BRD10: variants seen among roughly 807,000 people sequenced by gnomAD.
BRD10 encodes the protein uncharacterized bromodomain-containing protein 10.
chr9:6,007,119 C>G, the BRD10 span: 1 of 1,472,724 alleles, frequency 6.8e-7, no homozygotes, highest in South Asian at 1.2e-5. Context: ...GGCCCCTGGC[C>G]CAGCCCATCC....
At chr9:5,928,962 C>T in the BRD10 span, 1 of 693,328 alleles carries the variant, frequency 1.4e-6, no homozygotes. Context: ...TGGAAAACTA[C>T]TAAATGATTC....
the BRD10 span, among the ~76,000 whole-genome samples, chr9:5,925,573 G>A: frequency 6.6e-6 from 1 of 151,956 alleles, no homozygotes; most frequent in Non-Finnish European, 1.5e-5. Flanking sequence ...AAAAGTTTAA[G>A]CCAGAAATTC....
the BRD10 span, among the ~76,000 whole-genome samples, chr9:6,004,293 A>C: frequency 6.6e-6 from 1 of 152,202 alleles, no homozygotes; most frequent in African/African-American, 2.4e-5. Flanking sequence ...TCCCTACTCA[A>C]CTACAAACCA....
the BRD10 span, chr9:5,919,686 A>T: frequency 6.3e-7 from 1 of 1,595,818 alleles, no homozygotes; most frequent in African/African-American, 1.4e-5. Context: ...GTCTAAATTC[A>T]AGATGCAGCT....
the BRD10 span, among the ~76,000 whole-genome samples, chr9:6,002,922 T>G: frequency 6.6e-6 from 1 of 152,178 alleles, no homozygotes; most frequent in Non-Finnish European, 1.5e-5. Context: ...GGGCCTCAAG[T>G]GAACCACCCG....
chr9:5,923,042 G>A, the BRD10 span: 1 of 1,613,848 alleles, frequency 6.2e-7, no homozygotes, highest in Admixed American at 1.7e-5. Context: ...AAATGACTCT[G>A]GAAATGATGG....
chr9:6,001,968 A>C, the BRD10 span, among the ~76,000 whole-genome samples: 1 of 152,240 alleles, frequency 6.6e-6, no homozygotes, highest in East Asian at 1.9e-4. Context: ...TCTTCAATTA[A>C]GGGTTCCCTC....
chr9:6,008,109 C>G, the BRD10 span: 1 of 984,458 alleles, frequency 1.0e-6, no homozygotes, highest in Non-Finnish European at 1.2e-6. Flanking sequence ...TGCTCTTCAC[C>G]GGCCAGGCCC....
chr9:5,887,672 G>C, the BRD10 span, among the ~76,000 whole-genome samples: 1 of 152,176 alleles, frequency 6.6e-6, no homozygotes, highest in Non-Finnish European at 1.5e-5. Context: ...GGTTGGAGTT[G>C]CTCTCTCCAA....
the BRD10 span, among the ~76,000 whole-genome samples, chr9:5,967,117 T>C: frequency 1.1e-4 from 17 of 152,196 alleles, no homozygotes; most frequent in African/African-American, 2.7e-4. Flanking sequence ...CTTTTGCTAC[T>C]GAAGAAAGAA....
the BRD10 span, among the ~76,000 whole-genome samples, chr9:5,905,721 T>C: frequency 1.2e-4 from 19 of 152,240 alleles, no homozygotes; most frequent in African/African-American, 4.6e-4. Flanking sequence ...ATGTCCTGCC[T>C]TTTCAGGCTG....
chr9:5,924,606 A>T, the BRD10 span: 1 of 1,153,148 alleles, frequency 8.7e-7, no homozygotes, highest in Middle Eastern at 2.1e-4. Flanking sequence ...AGCAAACAAA[A>T]ACTTCTCTTT....
chr9:5,929,956 C>T, the BRD10 span, among the ~76,000 whole-genome samples: 7 of 152,104 alleles, frequency 4.6e-5, no homozygotes, highest in Non-Finnish European at 8.8e-5. Context: ...TTAAAAAGTA[C>T]ATCACATGAA....
At chr9:5,922,755 T>A in the BRD10 span, 4 of 1,614,014 alleles carry the variant, frequency 2.5e-6, no homozygotes, top group Admixed American at 6.7e-5. Flanking sequence ...TTTACAGAGC[T>A]ATTTTGAAGA....
the BRD10 span, among the ~76,000 whole-genome samples, chr9:5,887,207 C>T: frequency 6.6e-6 from 1 of 151,958 alleles, no homozygotes; most frequent in East Asian, 1.9e-4. Flanking sequence ...TGCAGTGACC[C>T]GAGATCACAC....
At chr9:5,921,041 A>C in the BRD10 span, 6 of 1,613,964 alleles carry the variant, frequency 3.7e-6, no homozygotes, top group South Asian at 6.6e-5. Context: ...AACTGAAAGC[A>C]CATTTACTGC....
At chr9:5,962,532 G>C in the BRD10 span, among the ~76,000 whole-genome samples, 1 of 27,494 alleles carries the variant, frequency 3.6e-5, no homozygotes, top group Non-Finnish European at 9.3e-5. Context: ...AATAGAAAAA[G>C]AGGGAATCCT....
chr9:6,003,592 C>T, the BRD10 span, among the ~76,000 whole-genome samples: 1 of 151,946 alleles, frequency 6.6e-6, no homozygotes, highest in Admixed American at 6.6e-5. Flanking sequence ...ATTTTTGATA[C>T]TAAAAATTTA....
At chr9:5,979,250 A>T in the BRD10 span, among the ~76,000 whole-genome samples, 3 of 152,368 alleles carry the variant, frequency 2.0e-5, no homozygotes, top group South Asian at 4.1e-4. Flanking sequence ...ATGGTGGCTC[A>T]TGCCTGTAAT....
Sources: allele counts gnomAD v4.1 joint callset (sites outside exome capture counted in the v4.1 genomes callset), GRCh38; gene constraint gnomAD v4.1.1; transcripts MANE v1.5; gene names NCBI Gene and HGNC (gene_info 2026-07-23, HGNC 2026-07-21).